SEMA3D: variants seen among roughly 807,000 people sequenced by gnomAD.
The protein encoded by SEMA3D is semaphorin-3D.
SEMA3D carries 84 observed loss-of-function variants against 100.1 expected under a neutral mutation model. That is an observed-to-expected ratio of 0.84 (90% CI 0.70 to 1.01). The LOEUF (loss-of-function observed/expected upper bound fraction) is 1.01. SEMA3D is among the 50% of genes least tolerant of loss of function. SEMA3D has a pLI of 0.00. For synonymous variants in SEMA3D, 312 were observed against 320.7 expected (o/e 0.97, Z 0.29); for missense variants, 875 against 934.1 (o/e 0.94, Z 0.82).
chr7:85,035,924 C>T (rs1790680639), intron 12 of SEMA3D, among the ~76,000 whole-genome samples: 2 of 151,846 alleles, frequency 1.3e-5, no homozygotes, highest in Admixed American at 1.3e-4. Flanking sequence ...TAGCATACTT[C>T]CCAAATTTAA....
intron 11 of SEMA3D, among the ~76,000 whole-genome samples, chr7:85,040,153 T>C (rs971087249): frequency 6.6e-6 from 1 of 151,738 alleles, no homozygotes; most frequent in Non-Finnish European, 1.5e-5. Flanking sequence ...TTTTTTTATT[T>C]ACTTTTTGTA....
chr7:85,061,937 C>T (rs951738225), intron 8 of SEMA3D, among the ~76,000 whole-genome samples: 8 of 152,202 alleles, frequency 5.3e-5, no homozygotes, highest in African/African-American at 1.9e-4. Flanking sequence ...TCTTCTCTAT[C>T]TGTCCCTGCT....
intron 1 of SEMA3D, among the ~76,000 whole-genome samples, chr7:85,174,610 G>A (rs1459674008): frequency 1.3e-5 from 2 of 152,104 alleles, no homozygotes; most frequent in Admixed American, 6.6e-5. Flanking sequence ...TTGTATCCTT[G>A]AGAAACAATC....
rs181199761 is a variant in SEMA3D, at chr7:85,012,230, C to A, written c.1768+552G>T. Among the ~76,000 whole-genome samples, 21 of 151,806 alleles carry A rather than the reference C, an allele frequency of 1.4e-4. No homozygotes were observed. In the East Asian group the frequency reaches 3.9e-3, roughly 28 times the overall value. On this transcript the variant is annotated intron_variant, in intron 17 of 18. Transcript: ENST00000284136. ...ACTAATTATGCCTTATGACACTTCC[C>A]AAAAGATTCATAAGCTCTCTAAGGA...
chr7:85,241,457 CTG>C, the SEMA3D span, among the ~76,000 whole-genome samples: 1 of 102,682 alleles, frequency 9.7e-6, no homozygotes, highest in South Asian at 3.6e-4. Context: ...AATAAAGAAA[CTG>C]TGTGTGTGTA....
intron 1 of SEMA3D, among the ~76,000 whole-genome samples, chr7:85,177,440 GA>G (rs944037916): frequency 6.6e-6 from 1 of 151,842 alleles, no homozygotes; most frequent in Non-Finnish European, 1.5e-5. Context: ...GATTGAAAGA[GA>G]AAAAAAGAGT....
chr7:85,027,360 G>A (rs748541991), intron 12 of SEMA3D, among the ~76,000 whole-genome samples: 13 of 152,000 alleles, frequency 8.6e-5, no homozygotes, highest in Non-Finnish European at 1.8e-4. Flanking sequence ...CAAAAAGGGG[G>A]AACAATAAAG....
chr7:85,227,618 A>T, the SEMA3D span, among the ~76,000 whole-genome samples: 2 of 152,220 alleles, frequency 1.3e-5, no homozygotes, highest in Non-Finnish European at 2.9e-5. Context: ...AGACTGAAAT[A>T]CATGGCATCT....
intron 2 of SEMA3D, among the ~76,000 whole-genome samples, chr7:85,149,949 T>C (rs1790319789): frequency 6.6e-6 from 1 of 152,076 alleles, no homozygotes; most frequent in African/African-American, 2.4e-5. Context: ...TCAAGGGGGT[T>C]ACATTCAAGG....
At chr7:85,068,538 CTCA>C (rs1214350812) in intron 6 of SEMA3D, among the ~76,000 whole-genome samples, 8 of 152,070 alleles carry the variant, frequency 5.3e-5, no homozygotes, top group Non-Finnish European at 8.8e-5. Context: ...TAGTAATGTA[CTCA>C]TCAATACATT....
At chr7:85,180,626 CTTA>C (rs1277210442) in intron 1 of SEMA3D, among the ~76,000 whole-genome samples, 3 of 152,056 alleles carry the variant, frequency 2.0e-5, no homozygotes. Flanking sequence ...TCCTATTTTT[CTTA>C]TTATTTATAT....
At chr7:85,165,453 G>A (rs968551559) in intron 1 of SEMA3D, among the ~76,000 whole-genome samples, 2 of 151,976 alleles carry the variant, frequency 1.3e-5, no homozygotes, top group African/African-American at 4.8e-5. Flanking sequence ...AGATAAACAC[G>A]GGCTAAACTG....
At chr7:85,081,197 G>A (rs1788048612) in intron 5 of SEMA3D, among the ~76,000 whole-genome samples, 1 of 152,088 alleles carries the variant, frequency 6.6e-6, no homozygotes, top group African/African-American at 2.4e-5. Context: ...AAAAATACAT[G>A]TTCCTAGAAC....
At chr7:85,126,609 T>G (rs1254700710) in intron 2 of SEMA3D, among the ~76,000 whole-genome samples, 4 of 152,084 alleles carry the variant, frequency 2.6e-5, no homozygotes, top group Non-Finnish European at 5.9e-5. Flanking sequence ...CTGTATTAAC[T>G]CACTTTTGCC....
At chr7:85,011,562 T>C (rs535305607) in intron 17 of SEMA3D, among the ~76,000 whole-genome samples, 1 of 151,988 alleles carries the variant, frequency 6.6e-6, no homozygotes, top group South Asian at 2.1e-4. Flanking sequence ...TGAATATAAA[T>C]ATCGTGAATG....
intron 17 of SEMA3D, among the ~76,000 whole-genome samples, chr7:85,010,457 A>G (rs1015106248): frequency 6.6e-6 from 1 of 151,782 alleles, no homozygotes; most frequent in Non-Finnish European, 1.5e-5. Flanking sequence ...AGGCAGAGAG[A>G]CCAGTGAAGT....
At chr7:85,087,596 T>C (rs892645363) in intron 4 of SEMA3D, among the ~76,000 whole-genome samples, 2 of 152,184 alleles carry the variant, frequency 1.3e-5, no homozygotes, top group African/African-American at 4.8e-5. Context: ...ACAGATCTAG[T>C]TGATAACAGA....
rs940754950 is a variant in SEMA3D, at chr7:85,121,812, A to G, written c.80T>C (p.Met27Thr). ...HLFPALMMLS[M>T]TMLFLPVTGT... ...AGTGACTGGAAGAAACAACATGGTCATGCTTAGCATCATCAAAGCAGGAAA... is the reference window on the plus strand; with the variant it reads ...AGTGACTGGAAGAAACAACATGGTCGTGCTTAGCATCATCAAAGCAGGAAA... Residue 27 changes from methionine (M) to threonine (T), a missense_variant, in exon 3 of 19, where the codon ATG (methionine) becomes ACG (threonine). Physicochemically the swap from Met to Thr is moderately conservative, Grantham distance 81 (BLOSUM62 -1). Transcript: ENST00000284136. The G allele has an allele frequency of 1.2e-6, 2 of 1,609,046 alleles. No individual in the cohort carries two copies.
At chr7:85,104,551 G>C (rs990917462) in intron 3 of SEMA3D, among the ~76,000 whole-genome samples, 3 of 151,874 alleles carry the variant, frequency 2.0e-5, no homozygotes, top group Admixed American at 6.6e-5. Context: ...CATTCAGCCT[G>C]GGGAAACATT....
Sources: gnomAD v4.1 joint callset for allele counts (sites outside exome capture counted in the v4.1 genomes callset) on GRCh38, gnomAD v4.1.1 for gene constraint, MANE v1.5 for transcripts, NCBI Gene and HGNC (gene_info 2026-07-23, HGNC 2026-07-21) for gene names.